Variants in LRRTM4 observed in about 807,000 individuals in gnomAD.
LRRTM4 encodes leucine rich repeat transmembrane neuronal 4.
LRRTM4 carries 25 observed loss-of-function variants against 47.6 expected under a neutral mutation model. The observed-to-expected ratio is 0.53, with a 90% CI of 0.38 to 0.73. The LOEUF (loss-of-function observed/expected upper bound fraction) is 0.73. Among genes scored for constraint, LRRTM4 ranks in the 30% least tolerant of loss-of-function variants. The pLI is 0.00. For synonymous variants in LRRTM4, 311 were observed against 269.5 expected (o/e 1.15, Z -1.51); for missense variants, 638 against 713.4 (o/e 0.89, Z 1.20).
chr2:76,937,568 T>C (rs1674998176), intron 3 of LRRTM4, among the ~76,000 whole-genome samples: 1 of 152,154 alleles, frequency 6.6e-6, no homozygotes, highest in South Asian at 2.1e-4. Flanking sequence ...ACAAAATCTT[T>C]CTTTTGTGTG....
intron 3 of LRRTM4, among the ~76,000 whole-genome samples, chr2:77,449,307 T>C (rs1485945698): frequency 2.0e-5 from 3 of 152,152 alleles, no homozygotes; most frequent in Admixed American, 6.6e-5. Flanking sequence ...TTTTTCAAAG[T>C]TTGGCTGTTT....
At chr2:77,082,719 G>A (rs1164889714) in intron 3 of LRRTM4, among the ~76,000 whole-genome samples, 2 of 151,754 alleles carry the variant, frequency 1.3e-5, no homozygotes, top group African/African-American at 4.8e-5. Context: ...TATTTGTTCT[G>A]GAATTAATGT....
At chr2:77,186,501 C>T (rs1389380681) in intron 3 of LRRTM4, among the ~76,000 whole-genome samples, 1 of 151,862 alleles carries the variant, frequency 6.6e-6, no homozygotes, top group Admixed American at 6.6e-5. Context: ...AAGTGTTTGC[C>T]AAATGAAAAA....
intron 3 of LRRTM4, among the ~76,000 whole-genome samples, chr2:77,258,080 G>A (rs1675818432): frequency 7.0e-6 from 1 of 143,310 alleles, no homozygotes; most frequent in Non-Finnish European, 1.5e-5. Context: ...TGAGCAACAA[G>A]ACCAAAACTC....
chr2:76,774,479 C>A (rs533987859), intron 3 of LRRTM4, among the ~76,000 whole-genome samples: 4 of 151,956 alleles, frequency 2.6e-5, no homozygotes, highest in Admixed American at 2.0e-4. Flanking sequence ...CATGAGCCAC[C>A]GTGCCCAGCC....
intron 3 of LRRTM4, among the ~76,000 whole-genome samples, chr2:76,895,429 C>T (rs1673380541): frequency 6.6e-6 from 1 of 151,986 alleles, no homozygotes; most frequent in South Asian, 2.1e-4. Context: ...CAAATGTTGT[C>T]AGAACAAAGG....
At chr2:77,403,114 G>GA (rs1573366906) in intron 3 of LRRTM4, among the ~76,000 whole-genome samples, 1 of 151,274 alleles carries the variant, frequency 6.6e-6, no homozygotes, top group East Asian at 1.9e-4. Flanking sequence ...TTTTTGTGCT[G>GA]AAAACCTCCT....
At chr2:76,968,340 G>GTATATATATATATA (rs61103340) in intron 3 of LRRTM4, among the ~76,000 whole-genome samples, 14 of 76,638 alleles carry the variant, frequency 1.8e-4, no homozygotes, top group Non-Finnish European at 2.4e-4. Context: ...GTGTATGTGT[G>GTATATATATATATA]TATATATATA....
At chr2:77,313,521 G>A (rs1057505928) in intron 3 of LRRTM4, among the ~76,000 whole-genome samples, 3 of 141,438 alleles carry the variant, frequency 2.1e-5, no homozygotes, top group East Asian at 2.1e-4. Flanking sequence ...TCCTCCCTAC[G>A]TTTTCCTGGG....
At chr2:77,270,501 T>A (rs373544411) in intron 3 of LRRTM4, among the ~76,000 whole-genome samples, 3 of 152,226 alleles carry the variant, frequency 2.0e-5, no homozygotes, top group East Asian at 3.9e-4. Flanking sequence ...GCTATGGAAT[T>A]AACACCTACT....
intron 3 of LRRTM4, among the ~76,000 whole-genome samples, chr2:76,857,956 C>T (rs888536154): frequency 5.3e-5 from 8 of 152,086 alleles, no homozygotes; most frequent in Admixed American, 5.2e-4. Flanking sequence ...TACTAGAGTG[C>T]AGCCTCAGGC....
rs539832273 is a variant in LRRTM4 at position 77,253,047 on chromosome 2, A to T, written c.1551+265271T>A. On this transcript the variant is annotated intron_variant, in intron 3 of 3. Transcript: ENST00000409884. ...TCCCAAATCTCATAGTTTCTGGAAGACCAATGTTTTCCCAAGTGTCCACGC... is the reference window on the plus strand; with the variant it reads ...TCCCAAATCTCATAGTTTCTGGAAGTCCAATGTTTTCCCAAGTGTCCACGC... Among the ~76,000 whole-genome samples the T allele has an allele frequency of 1.1e-4, 17 of 152,144 alleles. No individual in the cohort carries two copies. In the South Asian group the frequency reaches 3.5e-3, roughly 32 times the overall value.
At chr2:77,223,194 T>C (rs1466548984) in intron 3 of LRRTM4, among the ~76,000 whole-genome samples, 2 of 152,140 alleles carry the variant, frequency 1.3e-5, no homozygotes, top group African/African-American at 4.8e-5. Context: ...AATTAGGTAT[T>C]GATGGGGTGT....
chr2:77,236,575 G>A (rs192583822), intron 3 of LRRTM4, among the ~76,000 whole-genome samples: 150 of 151,942 alleles, frequency 9.9e-4, no homozygotes, highest in South Asian at 9.8e-3. Context: ...TGGGAATGAT[G>A]AGAATGAGCA....
intron 3 of LRRTM4, among the ~76,000 whole-genome samples, chr2:76,793,730 G>T (rs779558157): frequency 8.6e-5 from 13 of 151,946 alleles, no homozygotes; most frequent in Non-Finnish European, 1.8e-4. Flanking sequence ...ATCATAATTG[G>T]GCACATTTTG....
chr2:77,029,334 C>A (rs2104131941), intron 3 of LRRTM4, among the ~76,000 whole-genome samples: 1 of 152,064 alleles, frequency 6.6e-6, no homozygotes, highest in South Asian at 2.1e-4. Flanking sequence ...GTCCGAGTCC[C>A]AAAACCTCAA....
chr2:77,395,122 G>C (rs1358895157), intron 3 of LRRTM4, among the ~76,000 whole-genome samples: 1 of 151,926 alleles, frequency 6.6e-6, no homozygotes, highest in Non-Finnish European at 1.5e-5. Flanking sequence ...GGGCCACAAA[G>C]AGTCTGTTCT....
At chr2:77,157,876 C>A (rs1353576069) in intron 3 of LRRTM4, among the ~76,000 whole-genome samples, 1 of 151,932 alleles carries the variant, frequency 6.6e-6, no homozygotes, top group African/African-American at 2.4e-5. Flanking sequence ...TCAGCAGACT[C>A]CAGACTGTGA....
At chr2:76,781,651 G>C (rs1472011960) in intron 3 of LRRTM4, among the ~76,000 whole-genome samples, 3 of 152,226 alleles carry the variant, frequency 2.0e-5, no homozygotes, top group African/African-American at 7.2e-5. Flanking sequence ...TGCGCCCACT[G>C]TCTGGCACTC....
Sources: allele counts gnomAD v4.1 joint callset (sites outside exome capture counted in the v4.1 genomes callset), GRCh38; gene constraint gnomAD v4.1.1; transcripts MANE v1.5; gene names NCBI Gene and HGNC (gene_info 2026-07-23, HGNC 2026-07-21).